BCHE: variants seen among roughly 807,000 people sequenced by gnomAD.
The protein encoded by BCHE is cholinesterase.
BCHE carries 48 observed loss-of-function variants against 51.3 expected under a neutral mutation model. The ratio of observed to expected loss-of-function variants is 0.94; its 90% CI spans 0.74 to 1.19. The LOEUF (loss-of-function observed/expected upper bound fraction) is 1.19, where lower values mean the gene tolerates loss of function less well. BCHE is among the 50% of genes most tolerant of loss of function. BCHE has a pLI of 0.00. For missense variants in BCHE, 847 were observed against 708.2 expected (o/e 1.20, Z -2.23); for synonymous variants, 251 against 238.0 (o/e 1.05, Z -0.50).
rs1714872121 is a variant in BCHE, at chr3:165,829,694, T to C, written c.1340A>G (p.Tyr447Cys). 1 of 1,613,838 alleles carries C rather than the reference T, an allele frequency of 6.2e-7. No homozygotes were observed. Among genetic ancestry groups the C allele is most frequent in the Non-Finnish European group, 8.5e-7 (1 of 1,179,900 alleles). Residue 447 changes from tyrosine to cysteine, a missense_variant, in exon 2 of 4, where the codon TAC becomes TGC. Tyr to Cys is a radical substitution (Grantham distance 194). Coordinates refer to ENST00000264381, the MANE Select transcript of BCHE (RefSeq NM_000055.4). ...TTTGGAGGATCGGTGTTCAAAATAG[T>C]AGAAAAAGGCATTATTTCCCCATTC... The part of the protein sequence containing the change: ...FSEWGNNAFF[Y>C]YFEHRSSKLP...
intron 2 of BCHE, among the ~76,000 whole-genome samples, chr3:165,822,472 T>G (rs2108229414): frequency 6.6e-6 from 1 of 152,214 alleles, no homozygotes; most frequent in Admixed American, 6.6e-5. Flanking sequence ...ATGAGAGAGT[T>G]ATATTTATAT....
At chr3:165,824,191 C>A (rs1287846935) in intron 2 of BCHE, among the ~76,000 whole-genome samples, 1 of 150,940 alleles carries the variant, frequency 6.6e-6, no homozygotes, top group Non-Finnish European at 1.5e-5. Flanking sequence ...TATTAGAAAA[C>A]AATATAAAAA....
At chr3:165,795,975 C>A (rs1471755318) in intron 2 of BCHE, among the ~76,000 whole-genome samples, 1 of 151,678 alleles carries the variant, frequency 6.6e-6, no homozygotes, top group Admixed American at 6.6e-5. Flanking sequence ...GAGAAGAACC[C>A]CACAGGAAAT....
intron 2 of BCHE, among the ~76,000 whole-genome samples, chr3:165,813,790 T>C (rs1179181820): frequency 6.6e-6 from 1 of 151,896 alleles, no homozygotes; most frequent in Non-Finnish European, 1.5e-5. Flanking sequence ...ATATAAATGG[T>C]CTGCATTGTA....
rs1712319881 is a variant in BCHE at position 165,773,142 on chromosome 3, A to T, written c.*240T>A. 1 of 343,468 alleles carries T rather than the reference A, an allele frequency of 2.9e-6. No individual in the cohort carries two copies. Among genetic ancestry groups the T allele is most frequent in the African/African-American group, 2.1e-5 (1 of 46,982 alleles). The allele number at this position is 343,468 out of a possible 1,614,324, so 21.3% of individuals were successfully genotyped here. ...GAAATTGAACCAGGCCATTGTTTTAATATGCACATAATTAACTGTAGAACT... is the reference window on the plus strand; with the variant it reads ...GAAATTGAACCAGGCCATTGTTTTATTATGCACATAATTAACTGTAGAACT... On this transcript the variant is annotated 3_prime_UTR_variant, in exon 4 of 4. Transcript: ENST00000264381.
chr3:165,790,532 A>G (rs1479577513), intron 2 of BCHE, among the ~76,000 whole-genome samples: 1 of 152,212 alleles, frequency 6.6e-6, no homozygotes, highest in East Asian at 1.9e-4. Flanking sequence ...GAGTTATAAA[A>G]TCTGACAGAG....
At chr3:165,793,302 C>T (rs937607382) in intron 2 of BCHE, among the ~76,000 whole-genome samples, 1 of 152,178 alleles carries the variant, frequency 6.6e-6, no homozygotes. Context: ...TATATTTCCC[C>T]AAAGCATAGC....
chr3:165,813,264 A>G (rs1714177501), intron 2 of BCHE, among the ~76,000 whole-genome samples: 1 of 151,698 alleles, frequency 6.6e-6, no homozygotes, highest in Admixed American at 6.6e-5. Flanking sequence ...GAATTTTTAT[A>G]TTATGCTTAG....
At chr3:165,816,929 C>T (rs1345732968) in intron 2 of BCHE, among the ~76,000 whole-genome samples, 1 of 151,976 alleles carries the variant, frequency 6.6e-6, no homozygotes, top group African/African-American at 2.4e-5. Flanking sequence ...GCCCCTTTTT[C>T]TCCCTTGAAT....
chr3:165,790,130 C>A (rs936069161), intron 2 of BCHE, among the ~76,000 whole-genome samples: 1 of 152,026 alleles, frequency 6.6e-6, no homozygotes, highest in African/African-American at 2.4e-5. Context: ...CTCTCCCTGC[C>A]AGAAAGACTG....
intron 1 of BCHE, among the ~76,000 whole-genome samples, chr3:165,831,426 G>T (rs372899698): frequency 6.6e-6 from 1 of 152,096 alleles, no homozygotes; most frequent in South Asian, 2.1e-4. Flanking sequence ...TTCTGCCTTG[G>T]TAAGAGGAGA....
At chr3:165,836,094 CCAAA>C (rs1715177901) in intron 1 of BCHE, among the ~76,000 whole-genome samples, 1 of 151,444 alleles carries the variant, frequency 6.6e-6, no homozygotes, top group South Asian at 2.1e-4. Context: ...GGAATACATC[CCAAA>C]CATATTTTTA....
At chr3:165,780,077 A>C (rs1712630836) in intron 3 of BCHE, among the ~76,000 whole-genome samples, 1 of 152,116 alleles carries the variant, frequency 6.6e-6, no homozygotes, top group African/African-American at 2.4e-5. Flanking sequence ...TAGACCAATG[A>C]CACAAAACAG....
At chr3:165,833,738 T>G (rs1246719468) in intron 1 of BCHE, among the ~76,000 whole-genome samples, 4 of 152,110 alleles carry the variant, frequency 2.6e-5, no homozygotes, top group Non-Finnish European at 1.5e-5. Context: ...CCTTTTCTCT[T>G]TAATAAATGC....
In BCHE at chr3:165,831,013, G is replaced by T. The variant is rs374939607; in HGVS notation, c.21C>A (p.Ile7=). 1.4e-5 allele frequency: 22 copies of T among 1,612,620 alleles called. No individual in the cohort carries two copies. In the African/African-American group the frequency reaches 2.8e-4, roughly 21 times the overall value. Reference sequence around the variant, plus strand: ...ACCAAAAGAGAAATCTGATGCATATGATTGTGACTTTGCTATGCATATTGA... The same window carrying T: ...ACCAAAAGAGAAATCTGATGCATATTATTGTGACTTTGCTATGCATATTGA... MHSKVT[I]ICIRFLFWFL... Residue 7 remains isoleucine (I), a synonymous_variant, in exon 2 of 4, where the codon ATC becomes ATA. Transcript: ENST00000264381.
At chr3:165,785,740 A>G (rs913986897) in intron 3 of BCHE, among the ~76,000 whole-genome samples, 1 of 151,694 alleles carries the variant, frequency 6.6e-6, no homozygotes. Flanking sequence ...ATTTATCAAT[A>G]AATCTGTTTT....
At chr3:165,810,230 G>A (rs930646939) in intron 2 of BCHE, among the ~76,000 whole-genome samples, 9 of 152,182 alleles carry the variant, frequency 5.9e-5, no homozygotes, top group African/African-American at 2.2e-4. Context: ...TACACCCAGT[G>A]TGAGGTAAGG....
intron 2 of BCHE, among the ~76,000 whole-genome samples, chr3:165,791,209 G>A (rs1010048785): frequency 2.6e-5 from 4 of 151,680 alleles, no homozygotes; most frequent in African/African-American, 9.7e-5. Flanking sequence ...GCAGGAGAAT[G>A]GCTTGAACCC....
chr3:165,782,957 G>T (rs886942765), intron 3 of BCHE, among the ~76,000 whole-genome samples: 1 of 151,984 alleles, frequency 6.6e-6, no homozygotes, highest in Non-Finnish European at 1.5e-5. Flanking sequence ...CAGCACCTTA[G>T]TGGTTAGGAT....
Sources: allele counts gnomAD v4.1 joint callset (sites outside exome capture counted in the v4.1 genomes callset), GRCh38; gene constraint gnomAD v4.1.1; transcripts MANE v1.5; gene names NCBI Gene and HGNC (gene_info 2026-07-23, HGNC 2026-07-21).